BMPR2: variants seen among roughly 807,000 people sequenced by gnomAD.
BMPR2 encodes bone morphogenetic protein receptor type 2.
BMPR2 carries 29 observed loss-of-function variants against 100.8 expected under a neutral mutation model. The ratio of observed to expected loss-of-function variants is 0.29; its 90% CI spans 0.21 to 0.39. The LOEUF is 0.39. BMPR2 is among the 10% of genes least tolerant of loss of function. BMPR2 has a pLI of 1.00. For missense variants in BMPR2, 1,011 were observed against 1,274.5 expected (o/e 0.79, Z 3.15); for synonymous variants, 382 against 442.3 (o/e 0.86, Z 1.71).
chr2:202,404,864 G>A (rs757873298), intron 1 of BMPR2, among the ~76,000 whole-genome samples: 2 of 151,826 alleles, frequency 1.3e-5, no homozygotes, highest in African/African-American at 2.4e-5. Flanking sequence ...ACAGGATCTT[G>A]CTCTGCCAGG....
chr2:202,521,762 GCAAC>G (rs537093307), intron 7 of BMPR2, among the ~76,000 whole-genome samples: 27 of 152,258 alleles, frequency 1.8e-4, no homozygotes, highest in Middle Eastern at 3.4e-3. Flanking sequence ...AGGAAGATAT[GCAAC>G]CAAGGGATTA....
intron 1 of BMPR2, among the ~76,000 whole-genome samples, chr2:202,446,926 A>G (rs1433418063): frequency 6.7e-6 from 1 of 149,178 alleles, no homozygotes; most frequent in Non-Finnish European, 1.5e-5. Context: ...CTGGGATTAC[A>G]GGTGTGAACC....
At chr2:202,551,372 A>C (rs1288424448) in intron 10 of BMPR2, among the ~76,000 whole-genome samples, 1 of 151,620 alleles carries the variant, frequency 6.6e-6, no homozygotes, top group African/African-American at 2.4e-5. Context: ...AAAAAAAAAA[A>C]AAACAGCCGG....
chr2:202,462,508 C>T (rs766577370), intron 1 of BMPR2, among the ~76,000 whole-genome samples: 16 of 152,016 alleles, frequency 1.1e-4, no homozygotes, highest in Non-Finnish European at 1.9e-4. Context: ...CGTGAGCCAC[C>T]GTGCCCAGGC....
chr2:202,534,987 A>T (rs1212735786), intron 9 of BMPR2, among the ~76,000 whole-genome samples: 1 of 66,070 alleles, frequency 1.5e-5, no homozygotes, highest in Non-Finnish European at 2.9e-5. Context: ...CGGGTGGCTG[A>T]CCCCCTGCCA....
At chr2:202,434,096 T>C (rs1283231305) in intron 1 of BMPR2, among the ~76,000 whole-genome samples, 1 of 150,420 alleles carries the variant, frequency 6.6e-6, no homozygotes, top group Non-Finnish European at 1.5e-5. Context: ...CAATTCTGGC[T>C]GAAAAATTAA....
chr2:202,508,375 G>A (rs1005503943), intron 3 of BMPR2, among the ~76,000 whole-genome samples: 17 of 152,180 alleles, frequency 1.1e-4, no homozygotes, highest in Admixed American at 7.9e-4. Context: ...ACAGGCGTGA[G>A]CCACTGCACC....
intron 9 of BMPR2, among the ~76,000 whole-genome samples, chr2:202,535,789 G>A (rs1688143473): frequency 6.6e-6 from 1 of 152,198 alleles, no homozygotes; most frequent in South Asian, 2.1e-4. Flanking sequence ...CTCCAGCCTG[G>A]GCACCATTGA....
At chr2:202,380,226 A>G (rs1239069868) in intron 1 of BMPR2, among the ~76,000 whole-genome samples, 1 of 151,250 alleles carries the variant, frequency 6.6e-6, no homozygotes, top group Non-Finnish European at 1.5e-5. Context: ...GAAAAATAAG[A>G]TGTGCTGGCT....
chr2:202,383,153 T>C (rs916404623), intron 1 of BMPR2, among the ~76,000 whole-genome samples: 1 of 152,258 alleles, frequency 6.6e-6, no homozygotes, highest in Non-Finnish European at 1.5e-5. Context: ...CAGTGTGGCC[T>C]GGGCGAAGTG....
chr2:202,430,879 A>G (rs1424668885), intron 1 of BMPR2, among the ~76,000 whole-genome samples: 1 of 149,794 alleles, frequency 6.7e-6, no homozygotes, highest in East Asian at 1.9e-4. Flanking sequence ...GAATTGCTTG[A>G]ACCCGGGAGG....
At chr2:202,551,671 C>G (rs1688480225) in intron 10 of BMPR2, among the ~76,000 whole-genome samples, 1 of 152,088 alleles carries the variant, frequency 6.6e-6, no homozygotes, top group African/African-American at 2.4e-5. Context: ...GAAGAGATGT[C>G]TGTAAGTTTT....
At chr2:202,435,830 C>A (rs1691604364) in intron 1 of BMPR2, among the ~76,000 whole-genome samples, 1 of 150,342 alleles carries the variant, frequency 6.7e-6, no homozygotes, top group Non-Finnish European at 1.5e-5. Flanking sequence ...ATACAACTAT[C>A]CTATAGTCTA....
rs556841054 is a variant in BMPR2 at position 202,503,679 on chromosome 2, C to T, written c.419-10040C>T. Among the ~76,000 whole-genome samples, 21 of 152,310 alleles carry T rather than the reference C, an allele frequency of 1.4e-4. 1 individual carries two copies. Among genetic ancestry groups the T allele is most frequent in the Admixed American group, 6.5e-4 (10 of 15,304 alleles). On this transcript the variant is annotated intron_variant, in intron 3 of 12. Coordinates refer to ENST00000374580, the MANE Select transcript of BMPR2 (RefSeq NM_001204.7). The surrounding 1 kb of genome is among the most constrained non-coding windows in gnomAD (Gnocchi z 4.0). ...CCCCTCCATGGGCCCCTGTGCGGCC[C>T]GAGCCTCCCTGATGAGTGCCGCCCC...
chr2:202,403,494 C>T (rs960306250), intron 1 of BMPR2, among the ~76,000 whole-genome samples: 3 of 151,878 alleles, frequency 2.0e-5, no homozygotes, highest in African/African-American at 4.8e-5. Context: ...CTTTTTTTCT[C>T]GTATAATTTT....
intron 1 of BMPR2, among the ~76,000 whole-genome samples, chr2:202,411,074 A>G (rs1691005182): frequency 1.3e-5 from 2 of 152,148 alleles, no homozygotes; most frequent in South Asian, 4.1e-4. Flanking sequence ...GGCAAGAATC[A>G]ACCAATGGAT....
chr2:202,390,797 TATTC>T (rs1345879427), intron 1 of BMPR2, among the ~76,000 whole-genome samples: 3 of 152,128 alleles, frequency 2.0e-5, no homozygotes, highest in Non-Finnish European at 4.4e-5. Flanking sequence ...CTGAATTGCC[TATTC>T]TAATGATTTG....
At position 202,377,063 on chromosome 2, in the gene BMPR2, C is replaced by T. The variant is rs1690162004; in HGVS notation, c.-412C>T. The T allele has an allele frequency of 1.9e-6, 1 of 526,828 alleles. No homozygotes were observed. The highest frequency in any genetic ancestry group is 3.3e-6 in the Non-Finnish European group (1 of 300,970). 32.6% of individuals were successfully genotyped at this position (526,828 alleles called of 1,614,324 possible). ...CCCGGCAGTCGGGAACTAGTTCTGA[C>T]CCTCGCCCCCCGACCCCGGATCGAA... On this transcript the variant is annotated 5_prime_UTR_variant, in exon 1 of 13. Coordinates refer to ENST00000374580, the MANE Select transcript of BMPR2 (RefSeq NM_001204.7).
intron 10 of BMPR2, among the ~76,000 whole-genome samples, chr2:202,546,539 T>C (rs1461645177): frequency 6.6e-6 from 1 of 152,238 alleles, no homozygotes; most frequent in Non-Finnish European, 1.5e-5. Flanking sequence ...TCTTCCTATA[T>C]GTTTCAGAAT....
Sources: allele counts gnomAD v4.1 joint callset (sites outside exome capture counted in the v4.1 genomes callset), GRCh38; gene constraint gnomAD v4.1.1; non-coding constraint Gnocchi (gnomAD v3.1); transcripts MANE v1.5; gene names NCBI Gene and HGNC (gene_info 2026-07-23, HGNC 2026-07-21).